The following ASTN2 variants were observed in gnomAD, a reference collection of about 807,000 sequenced individuals.
ASTN2 encodes astrotactin-2.
Under a neutral mutation model 139.8 loss-of-function variants are expected in ASTN2, and 54 were observed. That is an observed-to-expected ratio of 0.39 (90% CI 0.31 to 0.48). The LOEUF (loss-of-function observed/expected upper bound fraction) is 0.48, where lower values mean the gene tolerates loss of function less well. Ranked by LOEUF, ASTN2 falls within the 20% of genes least tolerant of loss-of-function variation. The pLI, the probability that ASTN2 is intolerant of heterozygous loss-of-function variation, is 0.95. For synonymous variants in ASTN2, 756 were observed against 719.5 expected (o/e 1.05, Z -0.81); for missense variants, 1,565 against 1,725.1 (o/e 0.91, Z 1.64).
chr9:117,200,154 A>G (rs891131789), intron 3 of ASTN2, among the ~76,000 whole-genome samples: 1 of 151,870 alleles, frequency 6.6e-6, no homozygotes, highest in East Asian at 1.9e-4. Flanking sequence ...ATATGTATAC[A>G]TGTGCCATGT....
chr9:116,446,695 C>T (rs986264568), intron 20 of ASTN2, among the ~76,000 whole-genome samples: 1 of 152,154 alleles, frequency 6.6e-6, no homozygotes, highest in African/African-American at 2.4e-5. Context: ...AGGCCCAAAC[C>T]ATTGCTATTC....
intron 10 of ASTN2, among the ~76,000 whole-genome samples, chr9:116,967,800 C>T (rs150585448): frequency 1.5e-3 from 221 of 152,264 alleles, no homozygotes; most frequent in Non-Finnish European, 2.2e-3. Context: ...TGACTGGCCC[C>T]GACTCCAGCC....
chr9:116,436,256 A>AT (rs766292855), intron 22 of ASTN2, among the ~76,000 whole-genome samples: 4 of 152,196 alleles, frequency 2.6e-5, no homozygotes, highest in African/African-American at 7.2e-5. Flanking sequence ...ATGGAATTCA[A>AT]TTGTTTCCAT....
intron 6 of ASTN2, among the ~76,000 whole-genome samples, chr9:117,028,236 T>C (rs527970432): frequency 6.6e-6 from 1 of 152,256 alleles, no homozygotes; most frequent in South Asian, 2.1e-4. Flanking sequence ...TGGTCCAGGC[T>C]CTGGGGATCA....
chr9:116,578,015 C>T lies in ASTN2; in HGVS notation c.3355+40309G>A, dbSNP rs374946796. Among the ~76,000 whole-genome samples the T allele has an allele frequency of 2.8e-4, 42 of 152,210 alleles. 3 individuals carry two copies. Among genetic ancestry groups the T allele is most frequent in the Admixed American group, 1.7e-3 (26 of 15,286 alleles). ...GAATGTTATAAACCACACTAAGAAA[C>T]GGGAACCTTACTCTGAAGGCAAAAG... On this transcript the variant is annotated intron_variant, in intron 19 of 22. Transcript: ENST00000313400.
At chr9:116,554,144 A>G (rs1852482507) in intron 19 of ASTN2, among the ~76,000 whole-genome samples, 1 of 152,178 alleles carries the variant, frequency 6.6e-6, no homozygotes, top group South Asian at 2.1e-4. Flanking sequence ...CTTATGTATG[A>G]TGGAAAAATA....
intron 6 of ASTN2, among the ~76,000 whole-genome samples, chr9:117,019,024 C>G (rs554412271): frequency 6.6e-6 from 1 of 152,058 alleles, no homozygotes; most frequent in Non-Finnish European, 1.5e-5. Flanking sequence ...TCGCATTCTG[C>G]TTGCTTCAAG....
chr9:117,046,572 C>T (rs2132660736), intron 5 of ASTN2, among the ~76,000 whole-genome samples: 1 of 152,272 alleles, frequency 6.6e-6, no homozygotes, highest in Non-Finnish European at 1.5e-5. Context: ...CTTTCTAATA[C>T]TTGGCACCTA....
At chr9:116,632,637 A>G (rs1856864416) in intron 17 of ASTN2, among the ~76,000 whole-genome samples, 1 of 152,200 alleles carries the variant, frequency 6.6e-6, no homozygotes, top group South Asian at 2.1e-4. Context: ...GGGAGGCAAC[A>G]AACTTTTATG....
At chr9:116,628,705 A>T (rs1365663707) in intron 17 of ASTN2, among the ~76,000 whole-genome samples, 1 of 152,220 alleles carries the variant, frequency 6.6e-6, no homozygotes, top group African/African-American at 2.4e-5. Flanking sequence ...ATCAAAAGGG[A>T]ACCCTCTTAT....
At chr9:117,248,975 T>C (rs1408997892) in intron 2 of ASTN2, among the ~76,000 whole-genome samples, 3 of 152,228 alleles carry the variant, frequency 2.0e-5, no homozygotes. Flanking sequence ...ATATGTACAA[T>C]GGGATGATTG....
At chr9:116,459,455 T>C (rs1225131001) in intron 20 of ASTN2, among the ~76,000 whole-genome samples, 5 of 151,912 alleles carry the variant, frequency 3.3e-5, no homozygotes, top group Admixed American at 3.3e-4. Context: ...AAGAACACTA[T>C]CAAAAAAGTC....
At chr9:116,475,058 G>A (rs1455638088) in intron 20 of ASTN2, among the ~76,000 whole-genome samples, 1 of 152,200 alleles carries the variant, frequency 6.6e-6, no homozygotes, top group African/African-American at 2.4e-5. Flanking sequence ...TATACACTGA[G>A]AGAAGTGGCC....
chr9:116,539,449 A>G (rs1851789209), intron 19 of ASTN2, among the ~76,000 whole-genome samples: 1 of 152,314 alleles, frequency 6.6e-6, no homozygotes, highest in African/African-American at 2.4e-5. Context: ...AGTATATGGA[A>G]AAAAAATTTA....
intron 3 of ASTN2, among the ~76,000 whole-genome samples, chr9:117,150,398 G>T (rs572865289): frequency 1.3e-5 from 2 of 152,284 alleles, no homozygotes; most frequent in Non-Finnish European, 2.9e-5. Flanking sequence ...CAAAGGTTGG[G>T]CTGGAGTTGA....
At chr9:116,899,204 T>C (rs1013012180) in intron 10 of ASTN2, among the ~76,000 whole-genome samples, 3 of 152,136 alleles carry the variant, frequency 2.0e-5, no homozygotes, top group African/African-American at 7.2e-5. Flanking sequence ...ATGACAACAC[T>C]AGGGGGTCTT....
At chr9:116,728,089 A>G (rs1424923433) in intron 15 of ASTN2, among the ~76,000 whole-genome samples, 1 of 152,220 alleles carries the variant, frequency 6.6e-6, no homozygotes, top group African/African-American at 2.4e-5. Flanking sequence ...GTCAGGCCTC[A>G]TCTTTCCAGA....
chr9:116,998,723 G>C (rs1451098799), intron 7 of ASTN2, among the ~76,000 whole-genome samples: 2 of 152,150 alleles, frequency 1.3e-5, no homozygotes, highest in African/African-American at 4.8e-5. Flanking sequence ...CCCCTCTACA[G>C]TCTGCCAGAA....
At chr9:116,869,312 C>T (rs1371892715) in intron 10 of ASTN2, among the ~76,000 whole-genome samples, 1 of 152,208 alleles carries the variant, frequency 6.6e-6, no homozygotes, top group African/African-American at 2.4e-5. Flanking sequence ...TTCTGAATTT[C>T]TGGTGAACAC....
Sources: gnomAD v4.1 joint callset for allele counts (sites outside exome capture counted in the v4.1 genomes callset) on GRCh38, gnomAD v4.1.1 for gene constraint, MANE v1.5 for transcripts, NCBI Gene and HGNC (gene_info 2026-07-23, HGNC 2026-07-21) for gene names.